GLUD1: variants seen among roughly 807,000 people sequenced by gnomAD.
GLUD1 encodes glutamate dehydrogenase 1.
A neutral mutation model predicts 56.0 loss-of-function variants in GLUD1; 22 were observed. That is an observed-to-expected ratio of 0.39 (90% CI 0.28 to 0.56). The LOEUF (loss-of-function observed/expected upper bound fraction) is 0.56, where lower values mean the gene tolerates loss of function less well. Ranked by LOEUF, GLUD1 falls within the 20% of genes least tolerant of loss-of-function variation. The probability of loss-of-function intolerance (pLI) is 0.58; values close to 1 mark genes in which losing one functional copy is unlikely to be tolerated. For missense variants in GLUD1, 451 were observed against 732.0 expected, an observed-to-expected ratio of 0.62 and a Z score of 4.43; for synonymous variants, 223 against 269.9, an observed-to-expected ratio of 0.83 and a Z score of 1.70.
chr10:87,071,431 C>A (rs28581586), intron 4 of GLUD1, among the ~76,000 whole-genome samples: 2 of 152,010 alleles, frequency 1.3e-5, no homozygotes, highest in Admixed American at 1.3e-4. Flanking sequence ...AGGTGATCCA[C>A]CCGCCTCAGC....
chr10:87,074,527 C>G, intron 4 of GLUD1, 24 bp downstream of exon 4: 1 of 1,439,946 alleles, frequency 6.9e-7, no homozygotes, highest in East Asian at 2.3e-5. Context: ...CACTTTATAC[C>G]AAAAACTATG....
intron 6 of GLUD1, among the ~76,000 whole-genome samples, chr10:87,061,853 G>A (rs530275013): frequency 1.6e-4 from 24 of 151,900 alleles, no homozygotes; most frequent in Middle Eastern, 3.4e-3. Context: ...GCGCAATCTC[G>A]GCTCACTGCA....
chr10:87,054,352 G>A (rs564746102), intron 11 of GLUD1, among the ~76,000 whole-genome samples: 3 of 152,300 alleles, frequency 2.0e-5, no homozygotes, highest in East Asian at 3.9e-4. Context: ...GTTTAGGGAC[G>A]CAGGCCTTCC....
At chr10:87,056,115 CAAAAA>C (rs201114912) in intron 11 of GLUD1, among the ~76,000 whole-genome samples, 1 of 62,758 alleles carries the variant, frequency 1.6e-5, no homozygotes, top group Non-Finnish European at 2.8e-5. Context: ...GACTCTGTCT[CAAAAA>C]AAAAAAAAAA....
At chr10:87,057,599 T>C in intron 11 of GLUD1, 92 bp downstream of exon 11, 1 of 792,608 alleles carries the variant, frequency 1.3e-6, no homozygotes, top group Non-Finnish European at 2.3e-6. Context: ...TTACAAAGAC[T>C]ATGCCGCAGA....
Position 87,083,249 on chromosome 10 carries a change from T to C in GLUD1, c.446-6593A>G, listed in dbSNP as rs575272276. Among the ~76,000 whole-genome samples the C allele has an allele frequency of 6.7e-5, 10 of 148,706 alleles. No individual in the cohort carries two copies. The South Asian group carries it at 1.3e-3, about 19-fold the overall frequency. On this transcript the variant is annotated intron_variant, in intron 1 of 12. Coordinates refer to ENST00000277865, the MANE Select transcript of GLUD1 (RefSeq NM_005271.5). ...AAAAAAAAAAAAGTAAGAATATGAC[T>C]GCAAAAAGGAAGGTACTCTACTTAA... is the stretch of plus-strand genomic sequence containing the variant.
chr10:87,083,007 G>A (rs10887689), intron 1 of GLUD1, among the ~76,000 whole-genome samples: 48,597 of 151,994 alleles, frequency 0.32, 7,835 homozygotes, highest in Middle Eastern at 0.36. Flanking sequence ...TTGGGAGGCC[G>A]AGCTGGGCAG....
chr10:87,089,882 G>A (rs559115662), intron 1 of GLUD1: 23 of 189,076 alleles, frequency 1.2e-4, no homozygotes, highest in East Asian at 3.7e-4. Flanking sequence ...ATTGGGGGAA[G>A]GACTTGGGGT....
In GLUD1 at chr10:87,076,040, A is replaced by C. The variant is rs1846382417; in HGVS notation, c.527-17T>G. 1.3e-6 allele frequency: 2 copies of C among 1,572,448 alleles called. No homozygotes were observed. Among genetic ancestry groups the C allele is most frequent in the Non-Finnish European group, 1.7e-6 (2 of 1,150,528 alleles). On this transcript the variant is annotated splice_polypyrimidine_tract_variant and intron_variant, in intron 2 of 12. Coordinates refer to ENST00000277865, the MANE Select transcript of GLUD1 (RefSeq NM_005271.5). ...ACGGCACATCTGAAAGAGAAGGCTG[A>C]TGGTTGCTATTCCATATAAATGTTA...
At chr10:87,082,706 T>C (rs1469004509) in intron 1 of GLUD1, among the ~76,000 whole-genome samples, 1 of 152,214 alleles carries the variant, frequency 6.6e-6, no homozygotes, top group Non-Finnish European at 1.5e-5. Flanking sequence ...AATTGGCAAA[T>C]ATTGAGTACT....
At chr10:87,063,668 T>TTTTTTTTTTTTTTTTTTTTTTTTTTTTG in intron 5 of GLUD1, among the ~76,000 whole-genome samples, 1 of 152,324 alleles carries the variant, frequency 6.6e-6, no homozygotes, top group Non-Finnish European at 1.5e-5. Context: ...AGGAAGTTTT[T>TTTTTTTTTTTTTTTTTTTTTTTTTTTTG]AATATAACTT....
chr10:87,086,880 C>T (rs1444849992), intron 1 of GLUD1, among the ~76,000 whole-genome samples: 3 of 150,936 alleles, frequency 2.0e-5, no homozygotes, highest in Non-Finnish European at 4.4e-5. Context: ...TCACACATTT[C>T]TGACACCAAA....
Position 87,068,081 on chromosome 10 carries a change from G to A in GLUD1, c.723C>T (p.Ala241=). 6.2e-7 allele frequency: 1 copy of A among 1,604,358 alleles called. No homozygotes were observed. Among genetic ancestry groups the A allele is most frequent in the Non-Finnish European group, 8.5e-7 (1 of 1,171,064 alleles). Residue 241 remains alanine (A), a synonymous_variant, in exon 5 of 13, where the codon GCC becomes GCT. Coordinates refer to ENST00000277865, the MANE Select transcript of GLUD1 (RefSeq NM_005271.5). ...REMSWIADTY[A]STIGHYDINA... ...TACTCACATAGTGCCCTATGGTGCT[G>A]GCATAGGTATCAGCGATCCAGGACA...
Position 87,068,386 on chromosome 10 carries a change from G to A in GLUD1, c.647-229C>T, listed in dbSNP as rs144226109. ...TTTCTCCCTCTGGCATTTACTTGCT[G>A]TATGTTTGGAAGTTAGCTATGCACA... On this transcript the variant is annotated intron_variant, in intron 4 of 12. Transcript: ENST00000277865. Among the ~76,000 whole-genome samples, 1,203 of 152,304 alleles carry A rather than the reference G, an allele frequency of 7.9e-3. 19 individuals are homozygous for A. Among genetic ancestry groups the A allele is most frequent in the African/African-American group, 0.028 (1,159 of 41,556 alleles).
At chr10:87,077,277 C>T (rs1846424530) in intron 1 of GLUD1, among the ~76,000 whole-genome samples, 1 of 152,068 alleles carries the variant, frequency 6.6e-6, no homozygotes, top group African/African-American at 2.4e-5. Flanking sequence ...TCCCAAAGTG[C>T]TGGGATTACA....
At chr10:87,078,237 T>G (rs1846455368) in intron 1 of GLUD1, among the ~76,000 whole-genome samples, 1 of 152,208 alleles carries the variant, frequency 6.6e-6, no homozygotes, top group Non-Finnish European at 1.5e-5. Context: ...TAGTCATTAT[T>G]AAACTTTTGG....
chr10:87,079,152 T>C (rs538575951), intron 1 of GLUD1, among the ~76,000 whole-genome samples: 5 of 151,870 alleles, frequency 3.3e-5, no homozygotes, highest in South Asian at 2.1e-4. Flanking sequence ...CTCATAAATA[T>C]ATATCTACAA....
intron 5 of GLUD1, among the ~76,000 whole-genome samples, chr10:87,064,229 A>C (rs566696282): frequency 2.6e-5 from 4 of 152,226 alleles, no homozygotes; most frequent in Admixed American, 2.0e-4. Flanking sequence ...CTTTCAATTG[A>C]AGATGTGTGT....
In GLUD1 at chr10:87,074,711, A is replaced by G. The variant is rs1388201084; in HGVS notation, c.583-97T>C. ...TATTTTCTATTTATAGTACATTTTC[A>G]TATGTCTTCTCATGTAATCCTTAGA... On this transcript the variant is annotated intron_variant, in intron 3 of 12. Coordinates refer to ENST00000277865, the MANE Select transcript of GLUD1 (RefSeq NM_005271.5). 68 of 770,360 alleles carry G rather than the reference A, an allele frequency of 8.8e-5. No homozygotes were observed. The Admixed American group carries it at 1.3e-3, about 14-fold the overall frequency. The allele number at this position is 770,360 out of a possible 1,614,324, so 47.7% of individuals were successfully genotyped here. A position where few individuals can be genotyped will look rare whatever the true frequency, so the allele number is the denominator to read the frequency against.
Sources: gnomAD v4.1 joint callset for allele counts (sites outside exome capture counted in the v4.1 genomes callset) on GRCh38, gnomAD v4.1.1 for gene constraint, MANE v1.5 for transcripts, NCBI Gene and HGNC (gene_info 2026-07-23, HGNC 2026-07-21) for gene names.